ACOXL: variants seen among roughly 807,000 people sequenced by gnomAD.
The protein encoded by ACOXL is acyl-coenzyme A oxidase-like protein.
Under a neutral mutation model 71.9 loss-of-function variants are expected in ACOXL, and 70 were observed. The ratio of observed to expected loss-of-function variants is 0.97; its 90% CI spans 0.80 to 1.19. ACOXL has a LOEUF of 1.19. Ranked by LOEUF, ACOXL falls within the 50% of genes most tolerant of loss-of-function variation. The pLI is 0.00. For missense variants in ACOXL, 703 were observed against 736.3 expected, an observed-to-expected ratio of 0.95 and a Z score of 0.52; for synonymous variants, 253 against 281.6, an observed-to-expected ratio of 0.90 and a Z score of 1.02.
intron 14 of ACOXL, among the ~76,000 whole-genome samples, chr2:110,998,214 A>C (rs2063481140): frequency 6.6e-6 from 1 of 152,246 alleles, no homozygotes; most frequent in Non-Finnish European, 1.5e-5. Context: ...CAGGGTAAGC[A>C]AAAGACCTTG....
intron 14 of ACOXL, among the ~76,000 whole-genome samples, chr2:111,008,961 A>G (rs911009216): frequency 1.3e-5 from 2 of 152,108 alleles, no homozygotes; most frequent in South Asian, 2.1e-4. Flanking sequence ...TGGTCCATCA[A>G]TTTTGAAGAG....
intron 12 of ACOXL, among the ~76,000 whole-genome samples, chr2:110,959,267 G>C (rs1394199414): frequency 6.6e-6 from 1 of 152,194 alleles, no homozygotes; most frequent in Non-Finnish European, 1.5e-5. Flanking sequence ...TGAACCCCAG[G>C]CGGGAGGCTG....
In ACOXL at chr2:110,952,525, G is replaced by A. The variant is rs2061366730; in HGVS notation, c.1059+18883G>A. Among the ~76,000 whole-genome samples the A allele has an allele frequency of 2.0e-5, 3 of 152,166 alleles. No homozygotes were observed. The South Asian group carries it at 6.2e-4, about 32-fold the overall frequency. On this transcript the variant is annotated intron_variant, in intron 12 of 17. Transcript: ENST00000439055. ...CACCCAGGCTAGAGTGCAGTAGCGTGATCGTGGCCCTTGGGCTCAAGAGAT... is the reference window on the plus strand; with the variant it reads ...CACCCAGGCTAGAGTGCAGTAGCGTAATCGTGGCCCTTGGGCTCAAGAGAT...
At chr2:110,969,049 T>G (rs1441751075) in intron 12 of ACOXL, among the ~76,000 whole-genome samples, 2 of 152,206 alleles carry the variant, frequency 1.3e-5, no homozygotes, top group African/African-American at 4.8e-5. Flanking sequence ...ACTTGGAAAT[T>G]AAGCAACATG....
intron 10 of ACOXL, among the ~76,000 whole-genome samples, chr2:110,895,122 G>C (rs145324509): frequency 6.6e-6 from 1 of 152,066 alleles, no homozygotes; most frequent in Non-Finnish European, 1.5e-5. Context: ...ATATTTTAAA[G>C]CAGCCATCAT....
intron 17 of ACOXL, among the ~76,000 whole-genome samples, chr2:111,105,824 A>G (rs919980454): frequency 2.6e-5 from 4 of 152,164 alleles, no homozygotes; most frequent in African/African-American, 9.7e-5. Flanking sequence ...TGTGTTGACA[A>G]TTCTTTTCTT....
At position 111,064,938 on chromosome 2, in the gene ACOXL, C is replaced by T. The variant is rs531603702; in HGVS notation, c.1440+15650C>T. 4.6e-5 allele frequency among the ~76,000 whole-genome samples: 7 copies of T among 152,194 alleles called. No homozygotes were observed. In the East Asian group the frequency reaches 7.7e-4, roughly 17 times the overall value. On this transcript the variant is annotated intron_variant, in intron 16 of 17. Transcript: ENST00000439055. Reference sequence around the variant, plus strand: ...GTAAAGATATTATTTATCCCCATATCGAATACAGGTTTAACCTAATTTTTA... The same window carrying T: ...GTAAAGATATTATTTATCCCCATATTGAATACAGGTTTAACCTAATTTTTA...
rs2070468522 is a variant in ACOXL at position 111,117,865 on chromosome 2, C to G, written c.*49C>G. 3 of 1,522,058 alleles carry G rather than the reference C, an allele frequency of 2.0e-6. No individual in the cohort carries two copies. Among genetic ancestry groups the G allele is most frequent in the East Asian group, 2.5e-5 (1 of 40,632 alleles). The allele number at this position is 1,522,058 out of a possible 1,614,324, so 94.3% of individuals were successfully genotyped here. The stretch of plus-strand genomic sequence containing the variant: ...GCCCGCCAGCAGCTGCCACGACGCT[C>G]GCTCCACCGACGCCCAGAGCTGTGG... On this transcript the variant is annotated 3_prime_UTR_variant, in exon 18 of 18. Transcript: ENST00000439055.
chr2:110,822,366 A>C (rs1240051522), intron 9 of ACOXL, among the ~76,000 whole-genome samples: 1 of 152,188 alleles, frequency 6.6e-6, no homozygotes, highest in Non-Finnish European at 1.5e-5. Flanking sequence ...ACAGTGAGAA[A>C]TATGGTTGCC....
chr2:111,107,737 C>A (rs1460490223), intron 17 of ACOXL, among the ~76,000 whole-genome samples: 1 of 152,248 alleles, frequency 6.6e-6, no homozygotes, highest in African/African-American at 2.4e-5. Context: ...ATCTGCCCGC[C>A]TTGGCTTCCC....
intron 16 of ACOXL, among the ~76,000 whole-genome samples, chr2:111,057,091 C>T (rs73954916): frequency 2.8e-3 from 433 of 152,292 alleles, no homozygotes; most frequent in African/African-American, 9.8e-3. Context: ...CAGTTGGGCA[C>T]TCAACTCAAC....
intron 14 of ACOXL, among the ~76,000 whole-genome samples, chr2:111,009,493 G>A (rs2064036756): frequency 6.9e-6 from 1 of 145,738 alleles, no homozygotes; most frequent in South Asian, 2.2e-4. Context: ...CACCCTGGGT[G>A]ACAGAGCAAG....
chr2:110,768,513 T>TGTGA (rs397975396), intron 2 of ACOXL, 49 bp downstream of exon 2: 23 of 929,572 alleles, frequency 2.5e-5, no homozygotes, highest in Admixed American at 5.1e-5. Flanking sequence ...TGTGTGTGTG[T>TGTGA]GAGAGAGAGA....
At chr2:111,014,693 T>G (rs1313054167) in intron 14 of ACOXL, among the ~76,000 whole-genome samples, 1 of 152,166 alleles carries the variant, frequency 6.6e-6, no homozygotes, top group Non-Finnish European at 1.5e-5. Context: ...ATTGAAGAAA[T>G]GTAGAGGGAT....
At chr2:110,830,796 G>T (rs1279461292) in intron 9 of ACOXL, among the ~76,000 whole-genome samples, 1 of 152,070 alleles carries the variant, frequency 6.6e-6, no homozygotes, top group East Asian at 1.9e-4. Flanking sequence ...GCCTCCCAAA[G>T]TGCTGGGATT....
chr2:110,734,006 G>GA (rs1296442412), intron 1 of ACOXL, among the ~76,000 whole-genome samples: 3 of 152,112 alleles, frequency 2.0e-5, no homozygotes, highest in African/African-American at 4.8e-5. Flanking sequence ...TATTCCAGCA[G>GA]AAAAAATATA....
At chr2:111,051,743 T>G (rs895262499) in intron 16 of ACOXL, among the ~76,000 whole-genome samples, 7 of 152,210 alleles carry the variant, frequency 4.6e-5, no homozygotes, top group African/African-American at 1.7e-4. Context: ...GTGCTGGGAT[T>G]ACAGACATAC....
chr2:110,946,732 A>G (rs1054387707), intron 12 of ACOXL, among the ~76,000 whole-genome samples: 2 of 152,190 alleles, frequency 1.3e-5, no homozygotes, highest in Admixed American at 6.5e-5. Flanking sequence ...GTCCATAGAC[A>G]TGCTTTGCTG....
chr2:110,899,611 A>C (rs1255888708), intron 10 of ACOXL, among the ~76,000 whole-genome samples: 1 of 152,156 alleles, frequency 6.6e-6, no homozygotes, highest in Non-Finnish European at 1.5e-5. Context: ...TTCTTCATGC[A>C]ATTTTTTAAA....
Sources: allele counts gnomAD v4.1 joint callset (sites outside exome capture counted in the v4.1 genomes callset), GRCh38; gene constraint gnomAD v4.1.1; transcripts MANE v1.5; gene names NCBI Gene and HGNC (gene_info 2026-07-23, HGNC 2026-07-21).